PEX11A: variants seen among roughly 807,000 people sequenced by gnomAD.
PEX11A encodes peroxisomal membrane protein 11A.
PEX11A carries 13 observed loss-of-function variants against 14.4 expected under a neutral mutation model. The ratio of observed to expected loss-of-function variants is 0.90; its 90% CI spans 0.59 to 1.43. The LOEUF (loss-of-function observed/expected upper bound fraction) is 1.43, where lower values mean the gene tolerates loss of function less well. Ranked by LOEUF, PEX11A falls within the 40% of genes most tolerant of loss-of-function variation. The probability of loss-of-function intolerance (pLI) is 0.00; values close to 1 mark genes in which losing one functional copy is unlikely to be tolerated. For synonymous variants in PEX11A, 101 were observed against 113.0 expected, an observed-to-expected ratio of 0.89 and a Z score of 0.67; for missense variants, 290 against 302.8, an observed-to-expected ratio of 0.96 and a Z score of 0.31.
Position 89,683,758 on chromosome 15 carries a change from C to T in PEX11A, c.363G>A (p.Thr121=), listed in dbSNP as rs1024453310. Residue 121 remains threonine, a synonymous_variant, in exon 3 of 3, where the codon ACG becomes ACA. Transcript: ENST00000300056. ...TSGINKEKWR[T]RAAHHYYYSL... is the part of the protein sequence containing the mutation. ...AATAGTAGTAGTGGTGAGCAGCCCTCGTTCGCCATTTCTCTTTGTTGATGC... is the reference window on the plus strand; with the variant it reads ...AATAGTAGTAGTGGTGAGCAGCCCTTGTTCGCCATTTCTCTTTGTTGATGC... 5.6e-6 allele frequency: 9 copies of T among 1,614,086 alleles called. No homozygotes were observed. The highest frequency in any genetic ancestry group is 7.6e-6 in the Non-Finnish European group (9 of 1,179,946).
intron 1 of PEX11A, among the ~76,000 whole-genome samples, chr15:89,687,057 G>GTTACAGGTGTGTGCCGAGTA (rs1036001030): frequency 2.0e-5 from 3 of 152,010 alleles, no homozygotes; most frequent in African/African-American, 7.3e-5. Context: ...CCGAGTAGCT[G>GTTACAGGTGTGTGCCGAGTA]GGATTACAGG....
chr15:89,683,099 A>G lies in PEX11A; in HGVS notation c.*278T>C. Reference sequence around the variant, plus strand: ...ATTTTTATTCATTCAGCAAATACTAAGCTCCCACTATGCACATAAGAGATG... The same window carrying G: ...ATTTTTATTCATTCAGCAAATACTAGGCTCCCACTATGCACATAAGAGATG... On this transcript the variant is annotated 3_prime_UTR_variant, in exon 3 of 3. Coordinates refer to ENST00000300056, the MANE Select transcript of PEX11A (RefSeq NM_003847.3). 1 of 396,334 alleles carries G rather than the reference A, an allele frequency of 2.5e-6. No homozygotes were observed. The highest frequency in any genetic ancestry group is 4.5e-6 in the Non-Finnish European group (1 of 222,750). 24.6% of individuals were successfully genotyped at this position (396,334 alleles called of 1,614,324 possible). A position where few individuals can be genotyped will look rare whatever the true frequency, so the allele number is the denominator to read the frequency against.
In PEX11A at chr15:89,683,323, C is replaced by A; in HGVS notation, c.*54G>T. ...GCCTGTGACTTATACAAATGTCTGT[C>A]CCACCAAGAGGCCATCTTTTAAAGT... On this transcript the variant is annotated 3_prime_UTR_variant, in exon 3 of 3. Coordinates refer to ENST00000300056, the MANE Select transcript of PEX11A (RefSeq NM_003847.3). 1 of 1,195,698 alleles carries A rather than the reference C, an allele frequency of 8.4e-7. No individual in the cohort carries two copies. Among genetic ancestry groups the A allele is most frequent in the South Asian group, 1.4e-5 (1 of 71,214 alleles). 74.1% of individuals were successfully genotyped at this position (1,195,698 alleles called of 1,614,324 possible).
At chr15:89,684,160 C>T (rs962753668) in intron 2 of PEX11A, among the ~76,000 whole-genome samples, 2 of 152,164 alleles carry the variant, frequency 1.3e-5, no homozygotes, top group Non-Finnish European at 2.9e-5. Flanking sequence ...CTCAGCCTCC[C>T]GAGTAGCTGG....
At chr15:89,687,157 T>C (rs1964690420) in intron 1 of PEX11A, among the ~76,000 whole-genome samples, 2 of 152,080 alleles carry the variant, frequency 1.3e-5, no homozygotes, top group South Asian at 4.1e-4. Flanking sequence ...TCTCCTGACC[T>C]CGTGATCTGC....
chr15:89,690,211 AG>A (rs1385673780), intron 1 of PEX11A, among the ~76,000 whole-genome samples: 2 of 152,246 alleles, frequency 1.3e-5, no homozygotes, highest in African/African-American at 4.8e-5. Context: ...TTCTCTTTAA[AG>A]GAGATCCCTC....
rs1964601956 is a variant in PEX11A at position 89,681,637 on chromosome 15, T to C, written c.*1740A>G. On this transcript the variant is annotated 3_prime_UTR_variant, in exon 3 of 3. Coordinates refer to ENST00000300056, the MANE Select transcript of PEX11A (RefSeq NM_003847.3). ...TTTTATTTTCCCTGACCTAGTAGCT[T>C]TCATGTCTCTTAAAATTCCCTAAAT... 1 of 596,234 alleles carries C rather than the reference T, an allele frequency of 1.7e-6. No individual in the cohort carries two copies. Among genetic ancestry groups the C allele is most frequent in the African/African-American group, 1.8e-5 (1 of 54,162 alleles). The allele number at this position is 596,234 out of a possible 1,614,324, so 36.9% of individuals were successfully genotyped here.
intron 1 of PEX11A, among the ~76,000 whole-genome samples, chr15:89,689,812 C>T (rs1430029905): frequency 6.6e-6 from 1 of 152,158 alleles, no homozygotes; most frequent in Non-Finnish European, 1.5e-5. Context: ...TGGAAGAGAA[C>T]TTCTGTCTCT....
intron 1 of PEX11A, among the ~76,000 whole-genome samples, chr15:89,689,093 A>G (rs1243906809): frequency 7.9e-5 from 12 of 152,194 alleles, no homozygotes; most frequent in Non-Finnish European, 1.8e-4. Context: ...ACAGGTTTCT[A>G]TTTAATGAAA....
chr15:89,684,461 T>A (rs531525777), intron 2 of PEX11A, among the ~76,000 whole-genome samples: 1 of 152,206 alleles, frequency 6.6e-6, no homozygotes, highest in Non-Finnish European at 1.5e-5. Flanking sequence ...GAAGGTACTA[T>A]GATAACATGA....
intron 2 of PEX11A, among the ~76,000 whole-genome samples, chr15:89,684,492 T>C (rs1418728615): frequency 2.0e-5 from 3 of 152,214 alleles, no homozygotes; most frequent in Non-Finnish European, 2.9e-5. Context: ...CAATACTCTC[T>C]TGGAGAGTCT....
rs1964822243 is a variant in PEX11A, at chr15:89,690,697, A to T, written c.-65T>A. The T allele has an allele frequency of 1.7e-6, 2 of 1,197,288 alleles. No individual in the cohort carries two copies. The highest frequency in any genetic ancestry group is 2.6e-5 in the South Asian group (2 of 76,784). 74.2% of individuals were successfully genotyped at this position (1,197,288 alleles called of 1,614,324 possible). ...GCGTGGGTCCTCTGGGGCCCGTCGG[A>T]TCCCCAGGGAACGGTCAGTCCCAGG... On this transcript the variant is annotated 5_prime_UTR_variant, in exon 1 of 3. Coordinates refer to ENST00000300056, the MANE Select transcript of PEX11A (RefSeq NM_003847.3).
At chr15:89,688,264 T>C in intron 1 of PEX11A, 2 of 520,496 alleles carry the variant, frequency 3.8e-6, no homozygotes, top group South Asian at 1.4e-5. Flanking sequence ...ATGAGCATTA[T>C]TGGCACAGAA....
Position 89,683,876 on chromosome 15 carries a change from G to A in PEX11A, c.245C>T (p.Pro82Leu), listed in dbSNP as rs1036614376. 1 of 1,614,000 alleles carries A rather than the reference G, an allele frequency of 6.2e-7. No homozygotes were observed. Among genetic ancestry groups the A allele is most frequent in the Non-Finnish European group, 8.5e-7 (1 of 1,179,838 alleles). Residue 82 changes from proline to leucine, a missense_variant, in exon 3 of 3, where the codon CCT becomes CTT. Pro to Leu is a moderately conservative substitution (Grantham distance 98, BLOSUM62 -3). Transcript: ENST00000300056. ...EQSIHATDLV[P>L]RLCLTLANLN... ...GTTGGCTAATGTTAAGCATAAGCGA[G>A]GTACCAGGTCAGTGGCATGAATGCT...
intron 2 of PEX11A, among the ~76,000 whole-genome samples, chr15:89,684,353 G>A (rs1000056804): frequency 3.3e-5 from 5 of 152,164 alleles, no homozygotes; most frequent in African/African-American, 1.2e-4. Context: ...CCATTGTAAT[G>A]AACACCTTAA....
intron 1 of PEX11A, among the ~76,000 whole-genome samples, chr15:89,689,601 A>G (rs1044828218): frequency 8.5e-5 from 13 of 152,348 alleles, no homozygotes; most frequent in African/African-American, 2.6e-4. Flanking sequence ...ATGGAACCAA[A>G]AGAAAAAGAG....
In PEX11A at chr15:89,690,662, C is replaced by G; in HGVS notation, c.-30G>C. On this transcript the variant is annotated 5_prime_UTR_variant, in exon 1 of 3. Coordinates refer to ENST00000300056, the MANE Select transcript of PEX11A (RefSeq NM_003847.3). ...TCTAGCCCAAAGGCCACGAGTCGCA[C>G]GGGGCTCAGGCGTGGGTCCTCTGGG... 1 of 1,538,358 alleles carries G rather than the reference C, an allele frequency of 6.5e-7. No homozygotes were observed. Among genetic ancestry groups the G allele is most frequent in the Non-Finnish European group, 8.8e-7 (1 of 1,136,052 alleles).
intron 1 of PEX11A, 26 bp downstream of exon 1, chr15:89,690,551 G>C (rs1410758622): frequency 5.8e-6 from 9 of 1,543,362 alleles, no homozygotes; most frequent in African/African-American, 1.4e-5. Context: ...CGAGAAAGGG[G>C]CGGAGGCCGC....
Position 89,681,827 on chromosome 15 carries a change from G to A in PEX11A, c.*1550C>T, listed in dbSNP as rs1729825024. On this transcript the variant is annotated 3_prime_UTR_variant, in exon 3 of 3. Coordinates refer to ENST00000300056, the MANE Select transcript of PEX11A (RefSeq NM_003847.3). ...ATGACACAGCTTTGCTGGGAGGACTGACATCGGCCTCCTACCTGCTGGCAT... is the reference window on the plus strand; with the variant it reads ...ATGACACAGCTTTGCTGGGAGGACTAACATCGGCCTCCTACCTGCTGGCAT... 1 of 292,150 alleles carries A rather than the reference G, an allele frequency of 3.4e-6. No individual in the cohort carries two copies. Among genetic ancestry groups the A allele is most frequent in the Non-Finnish European group, 6.4e-6 (1 of 155,700 alleles). The allele number at this position is 292,150 out of a possible 1,614,324, so 18.1% of individuals were successfully genotyped here. A position where few individuals can be genotyped will look rare whatever the true frequency, so the allele number is the denominator to read the frequency against.
Sources: gnomAD v4.1 joint callset for allele counts (sites outside exome capture counted in the v4.1 genomes callset) on GRCh38, gnomAD v4.1.1 for gene constraint, MANE v1.5 for transcripts, NCBI Gene and HGNC (gene_info 2026-07-23, HGNC 2026-07-21) for gene names.